Variants in MIPEP observed in about 807,000 individuals in gnomAD.
The protein encoded by MIPEP is mitochondrial intermediate peptidase.
A neutral mutation model predicts 90.3 loss-of-function variants in MIPEP; 79 were observed. That is an observed-to-expected ratio of 0.87 (90% CI 0.73 to 1.05). The LOEUF (loss-of-function observed/expected upper bound fraction) is 1.05. Among genes scored for constraint, MIPEP ranks in the 50% least tolerant of loss-of-function variants. The probability of loss-of-function intolerance (pLI) is 0.00; values close to 1 mark genes in which losing one functional copy is unlikely to be tolerated. For synonymous variants in MIPEP, 334 were observed against 315.8 expected, an observed-to-expected ratio of 1.06 and a Z score of -0.61; for missense variants, 940 against 905.6, an observed-to-expected ratio of 1.04 and a Z score of -0.49.
At position 23,881,719 on chromosome 13, in the gene MIPEP, ACTT is replaced by A; in HGVS notation, c.429_431del (p.Arg143del). The A allele has an allele frequency of 1.9e-6, 3 of 1,613,924 alleles. No homozygotes were observed. The highest frequency in any genetic ancestry group is 2.5e-6 in the Non-Finnish European group (3 of 1,179,842). On this transcript the variant is annotated inframe_deletion, in exon 3 of 19. Coordinates refer to ENST00000382172, the MANE Select transcript of MIPEP (RefSeq NM_005932.4). The stretch of plus-strand genomic sequence containing the variant: ...CATACTTCTCTACCATGGTGCCAAT[ACTT>A]CTACAAGCTTCTTCCGCAGCTTCTC...
chr13:23,751,358 G>A (rs1318462315), intron 18 of MIPEP, among the ~76,000 whole-genome samples: 1 of 152,214 alleles, frequency 6.6e-6, no homozygotes, highest in Non-Finnish European at 1.5e-5. Context: ...GGCCCTGCGG[G>A]CTTCTAGACT....
chr13:23,730,803 T>C (rs1230525790), intron 18 of MIPEP, among the ~76,000 whole-genome samples: 1 of 152,198 alleles, frequency 6.6e-6, no homozygotes, highest in Non-Finnish European at 1.5e-5. Context: ...ATTTAACAAG[T>C]TTAATTACAT....
chr13:23,804,059 C>A (rs1215752714), intron 16 of MIPEP, among the ~76,000 whole-genome samples: 2 of 152,178 alleles, frequency 1.3e-5, no homozygotes, highest in African/African-American at 4.8e-5. Flanking sequence ...GACTTAGCAT[C>A]ACCCTTCCTT....
At chr13:23,791,514 C>T (rs1331087457) in intron 16 of MIPEP, among the ~76,000 whole-genome samples, 1 of 152,178 alleles carries the variant, frequency 6.6e-6, no homozygotes, top group Non-Finnish European at 1.5e-5. Flanking sequence ...CCACTGCTTG[C>T]ATCTTTGTTC....
intron 7 of MIPEP, among the ~76,000 whole-genome samples, chr13:23,867,950 AT>A (rs56392236): frequency 0.11 from 15,757 of 145,832 alleles, 965 homozygotes; most frequent in Non-Finnish European, 0.14. Flanking sequence ...TAAATATAAA[AT>A]AAAAATATGG....
intron 16 of MIPEP, among the ~76,000 whole-genome samples, chr13:23,804,423 T>G (rs1002413517): frequency 1.3e-5 from 2 of 152,224 alleles, no homozygotes; most frequent in Non-Finnish European, 2.9e-5. Context: ...CAATGCTCTG[T>G]GAACTGGAAA....
At chr13:23,743,018 C>T (rs1464883435) in intron 18 of MIPEP, among the ~76,000 whole-genome samples, 2 of 152,134 alleles carry the variant, frequency 1.3e-5, no homozygotes, top group East Asian at 1.9e-4. Flanking sequence ...TTAGAACCTG[C>T]GATTCACTCA....
intron 14 of MIPEP, among the ~76,000 whole-genome samples, chr13:23,818,729 C>T (rs958631798): frequency 6.6e-6 from 1 of 152,194 alleles, no homozygotes. Flanking sequence ...AGGTTACAGG[C>T]TGTTTATACC....
At chr13:23,881,428 A>G (rs1211295013) in intron 3 of MIPEP, among the ~76,000 whole-genome samples, 1 of 152,198 alleles carries the variant, frequency 6.6e-6, no homozygotes, top group Non-Finnish European at 1.5e-5. Context: ...AACACTCACA[A>G]GGACCCTGAG....
At chr13:23,769,689 CCT>C (rs1952629409) in intron 16 of MIPEP, among the ~76,000 whole-genome samples, 1 of 152,122 alleles carries the variant, frequency 6.6e-6, no homozygotes, top group Non-Finnish European at 1.5e-5. Context: ...GCACCTCTAC[CCT>C]GTTAGATAAA....
intron 14 of MIPEP, among the ~76,000 whole-genome samples, chr13:23,833,545 A>G (rs1435800144): frequency 6.6e-6 from 1 of 152,210 alleles, no homozygotes; most frequent in Non-Finnish European, 1.5e-5. Context: ...TAGTTCAACA[A>G]TACATCTTCT....
chr13:23,767,790 T>C (rs898177593), intron 16 of MIPEP, among the ~76,000 whole-genome samples: 2 of 152,196 alleles, frequency 1.3e-5, no homozygotes, highest in African/African-American at 4.8e-5. Context: ...GTAAATATTT[T>C]ACTAGCTTAT....
chr13:23,812,963 C>A (rs1196391449), intron 14 of MIPEP, among the ~76,000 whole-genome samples: 1 of 151,962 alleles, frequency 6.6e-6, no homozygotes, highest in Non-Finnish European at 1.5e-5. Context: ...ATAAAAAATA[C>A]ACATATTGTG....
At chr13:23,885,445 A>G (rs532816292) in intron 2 of MIPEP, among the ~76,000 whole-genome samples, 33 of 152,232 alleles carry the variant, frequency 2.2e-4, no homozygotes, top group African/African-American at 8.0e-4. Flanking sequence ...CCAGAAGAGT[A>G]TAATTGGATT....
chr13:23,781,409 G>A (rs1249168093), intron 16 of MIPEP, among the ~76,000 whole-genome samples: 1 of 152,166 alleles, frequency 6.6e-6, no homozygotes, highest in African/African-American at 2.4e-5. Context: ...AATGCTGGGA[G>A]ATTTTGTCAC....
At chr13:23,861,152 T>C (rs1870288449) in intron 9 of MIPEP, among the ~76,000 whole-genome samples, 2 of 152,210 alleles carry the variant, frequency 1.3e-5, no homozygotes, top group African/African-American at 2.4e-5. Flanking sequence ...GCAGGGTGAA[T>C]GGTGGCACCA....
chr13:23,753,381 C>T (rs906111155), intron 18 of MIPEP, among the ~76,000 whole-genome samples: 10 of 152,286 alleles, frequency 6.6e-5, no homozygotes, highest in African/African-American at 2.4e-4. Flanking sequence ...AATTCTATTT[C>T]ACCATGTGAT....
chr13:23,875,054 A>ACACACACACACT, intron 4 of MIPEP, 145 bp from the exon 5 acceptor site: 1 of 544,848 alleles, frequency 1.8e-6, no homozygotes, highest in Non-Finnish European at 3.1e-6. Flanking sequence ...ACACACACAC[A>ACACACACACACT]CACACACACT....
chr13:23,857,806 T>C (rs1870111941), intron 10 of MIPEP, among the ~76,000 whole-genome samples: 1 of 152,190 alleles, frequency 6.6e-6, no homozygotes, highest in Non-Finnish European at 1.5e-5. Flanking sequence ...AAAGTTATTG[T>C]TTTCTGTTTT....
Sources: gnomAD v4.1 joint callset for allele counts (sites outside exome capture counted in the v4.1 genomes callset) on GRCh38, gnomAD v4.1.1 for gene constraint, MANE v1.5 for transcripts, NCBI Gene and HGNC (gene_info 2026-07-23, HGNC 2026-07-21) for gene names.